The following CAMK2D variants were observed in gnomAD, a reference collection of about 807,000 sequenced individuals.
CAMK2D encodes the protein calcium/calmodulin dependent protein kinase II delta, also known as calcium/calmodulin-dependent protein kinase type II subunit delta.
CAMK2D carries 37 observed loss-of-function variants against 84.0 expected under a neutral mutation model. That is an observed-to-expected ratio of 0.44 (90% CI 0.34 to 0.58). The LOEUF is 0.58. CAMK2D is among the 20% of genes least tolerant of loss of function. The probability of loss-of-function intolerance (pLI) is 0.02; values close to 1 mark genes in which losing one functional copy is unlikely to be tolerated. For missense variants in CAMK2D, 448 were observed against 652.5 expected (o/e 0.69, Z 3.41); for synonymous variants, 202 against 212.5 (o/e 0.95, Z 0.43).
chr4:113,717,241 T>A (rs2099516354), intron 2 of CAMK2D, among the ~76,000 whole-genome samples: 1 of 152,172 alleles, frequency 6.6e-6, no homozygotes. Flanking sequence ...TTCTCTTATC[T>A]TTTCTATTCA....
intron 17 of CAMK2D, among the ~76,000 whole-genome samples, chr4:113,463,702 T>G (rs1294706256): frequency 6.6e-6 from 1 of 152,198 alleles, no homozygotes; most frequent in African/African-American, 2.4e-5. Flanking sequence ...CTTTTTTAGT[T>G]GTAATAATTA....
chr4:113,720,878 A>G (rs1010896293), intron 2 of CAMK2D, among the ~76,000 whole-genome samples: 46 of 152,118 alleles, frequency 3.0e-4, no homozygotes, highest in African/African-American at 1.1e-3. Context: ...TTGTATTACC[A>G]GTGCATATTT....
chr4:113,703,781 A>G (rs140506560), intron 2 of CAMK2D, among the ~76,000 whole-genome samples: 88 of 152,360 alleles, frequency 5.8e-4, no homozygotes, highest in African/African-American at 2.1e-3. Flanking sequence ...CAACAGGAAT[A>G]ACACTACAAC....
At chr4:113,526,414 A>ATGTGTGTGTGTGTGTGTGTGTG (rs35503858) in intron 8 of CAMK2D, among the ~76,000 whole-genome samples, 1 of 149,568 alleles carries the variant, frequency 6.7e-6, no homozygotes, top group African/African-American at 2.5e-5. Context: ...GTCATTCTTG[A>ATGTGTGTGTGTGTGTGTGTGTG]TGTGTGTGTG....
At chr4:113,729,594 C>T (rs2099556761) in intron 2 of CAMK2D, among the ~76,000 whole-genome samples, 1 of 152,186 alleles carries the variant, frequency 6.6e-6, no homozygotes, top group Non-Finnish European at 1.5e-5. Context: ...TCACCCTATC[C>T]AAAGCTGGTC....
At chr4:113,468,643 T>C (rs944722336) in intron 16 of CAMK2D, among the ~76,000 whole-genome samples, 2 of 152,100 alleles carry the variant, frequency 1.3e-5, no homozygotes. Context: ...AGCAGTGAGG[T>C]TGAGGAACAG....
chr4:113,596,177 C>T (rs1316390900), intron 4 of CAMK2D, among the ~76,000 whole-genome samples: 4 of 152,222 alleles, frequency 2.6e-5, no homozygotes, highest in Admixed American at 1.3e-4. Flanking sequence ...AGCAACTCCT[C>T]ATTCATGGAA....
intron 3 of CAMK2D, among the ~76,000 whole-genome samples, chr4:113,622,130 T>C (rs2099048854): frequency 6.6e-6 from 1 of 152,240 alleles, no homozygotes; most frequent in Admixed American, 6.5e-5. Flanking sequence ...ACATCCCCTG[T>C]GTCTTTGCCT....
At chr4:113,469,364 T>TG (rs1458993377) in intron 16 of CAMK2D, among the ~76,000 whole-genome samples, 1 of 152,210 alleles carries the variant, frequency 6.6e-6, no homozygotes, top group Non-Finnish European at 1.5e-5. Context: ...CTTCTTGTCT[T>TG]GGAACACTCT....
At chr4:113,643,878 C>G (rs1334408712) in intron 3 of CAMK2D, among the ~76,000 whole-genome samples, 1 of 152,138 alleles carries the variant, frequency 6.6e-6, no homozygotes. Flanking sequence ...TTAAACTGGA[C>G]AGAGTATTTA....
chr4:113,483,282 G>A (rs907088723), intron 16 of CAMK2D, among the ~76,000 whole-genome samples: 1 of 151,950 alleles, frequency 6.6e-6, no homozygotes, highest in Non-Finnish European at 1.5e-5. Context: ...TTTTTTTCTT[G>A]TTTTTAAATG....
At chr4:113,705,937 A>G (rs1561946641) in intron 2 of CAMK2D, among the ~76,000 whole-genome samples, 2 of 152,164 alleles carry the variant, frequency 1.3e-5, no homozygotes, top group Non-Finnish European at 2.9e-5. Flanking sequence ...CTGTAACACC[A>G]TATAACTTTC....
intron 6 of CAMK2D, among the ~76,000 whole-genome samples, chr4:113,543,315 G>T (rs2098543687): frequency 6.6e-6 from 1 of 151,578 alleles, no homozygotes; most frequent in Admixed American, 6.6e-5. Flanking sequence ...TGCAGTACTT[G>T]TCTGAGGTAC....
At chr4:113,495,039 G>C (rs4834345) in intron 16 of CAMK2D, among the ~76,000 whole-genome samples, 97,309 of 152,004 alleles carry the variant, frequency 0.64, 32,611 homozygotes, top group African/African-American at 0.83. Context: ...CGCCCACTGT[G>C]TGGCACTCCC....
At chr4:113,668,123 G>GA (rs950336145) in intron 2 of CAMK2D, among the ~76,000 whole-genome samples, 10 of 148,458 alleles carry the variant, frequency 6.7e-5, no homozygotes, top group Non-Finnish European at 9.0e-5. Context: ...CCCAACATTT[G>GA]AAAAAAAAAA....
At chr4:113,663,854 A>G (rs1455351284) in intron 2 of CAMK2D, among the ~76,000 whole-genome samples, 1 of 152,120 alleles carries the variant, frequency 6.6e-6, no homozygotes, top group Non-Finnish European at 1.5e-5. Context: ...TTATCGTATG[A>G]GCTGAACTGT....
intron 2 of CAMK2D, among the ~76,000 whole-genome samples, chr4:113,734,229 T>C (rs1035055493): frequency 1.1e-4 from 17 of 152,294 alleles, no homozygotes; most frequent in South Asian, 1.0e-3. Flanking sequence ...TTCTGAATGT[T>C]GGTTACAAGA....
In CAMK2D at chr4:113,505,025, T is replaced by G; in HGVS notation, c.995A>C (p.Lys332Thr). The stretch of plus-strand genomic sequence containing the variant: ...TTTGGGGCTGGTTACCACGTTGGCT[T>G]TGTTGTTTATCTGTGGGTATGCAGA... ...KKPDGVKINNKANVVTSPKEN... is the reference protein window; with the variant it reads ...KKPDGVKINNTANVVTSPKEN... The change falls in exon 14 of 21, where the codon AAA (lysine) becomes ACA (threonine). Residue 332 changes from lysine to threonine, a missense_variant. Lys to Thr is a moderately conservative substitution (Grantham distance 78). Coordinates refer to ENST00000511664, the MANE Select transcript of CAMK2D (RefSeq NM_001321571.2). The G allele has an allele frequency of 6.3e-7, 1 of 1,580,228 alleles. No individual in the cohort carries two copies. The highest frequency in any genetic ancestry group is 8.5e-7 in the Non-Finnish European group (1 of 1,170,332).
intron 15 of CAMK2D, among the ~76,000 whole-genome samples, 194 bp downstream of exon 15, chr4:113,502,742 C>G (rs2098072150): frequency 6.6e-6 from 1 of 152,110 alleles, no homozygotes; most frequent in Admixed American, 6.6e-5. Flanking sequence ...ATTAGTTTCT[C>G]TTTCAAGATG....
Sources: gnomAD v4.1 joint callset for allele counts (sites outside exome capture counted in the v4.1 genomes callset) on GRCh38, gnomAD v4.1.1 for gene constraint, MANE v1.5 for transcripts, NCBI Gene and HGNC (gene_info 2026-07-23, HGNC 2026-07-21) for gene names.